The following CHRM5 variants were observed in gnomAD, a reference collection of about 807,000 sequenced individuals.
The protein encoded by CHRM5 is muscarinic acetylcholine receptor M5.
In CHRM5, 18 loss-of-function variants were observed where a neutral mutation model predicts 39.0. That is an observed-to-expected ratio of 0.46 (90% CI 0.32 to 0.68). CHRM5 has a LOEUF of 0.68. Among genes scored for constraint, CHRM5 ranks in the 30% least tolerant of loss-of-function variants. The probability of loss-of-function intolerance (pLI) is 0.04; values close to 1 mark genes in which losing one functional copy is unlikely to be tolerated. For synonymous variants in CHRM5, 241 were observed against 246.3 expected (o/e 0.98, Z 0.20); for missense variants, 515 against 651.1 (o/e 0.79, Z 2.28).
At chr15:34,001,227 G>A (rs1897126696) in intron 1 of CHRM5, among the ~76,000 whole-genome samples, 1 of 151,896 alleles carries the variant, frequency 6.6e-6, no homozygotes, top group South Asian at 2.1e-4. Context: ...TCACTATGTT[G>A]GCCAGGATGG....
intron 1 of CHRM5, among the ~76,000 whole-genome samples, chr15:33,987,557 T>A (rs1214381248): frequency 6.6e-6 from 1 of 152,126 alleles, no homozygotes; most frequent in African/African-American, 2.4e-5. Context: ...ATCCCCTTCT[T>A]CTCAGGCCAG....
At chr15:34,009,866 G>A (rs1315707170) in intron 1 of CHRM5, among the ~76,000 whole-genome samples, 2 of 152,126 alleles carry the variant, frequency 1.3e-5, no homozygotes, top group African/African-American at 4.8e-5. Flanking sequence ...GCATGAACCT[G>A]TAGTCCTAGC....
At chr15:34,008,483 CTT>C (rs200355232) in intron 1 of CHRM5, among the ~76,000 whole-genome samples, 43 of 119,222 alleles carry the variant, frequency 3.6e-4, no homozygotes, top group African/African-American at 1.4e-3. Context: ...GATGAAAAAC[CTT>C]TTTTTTTTTT....
chr15:34,010,885 A>G (rs889268301), intron 1 of CHRM5, among the ~76,000 whole-genome samples: 1 of 152,340 alleles, frequency 6.6e-6, no homozygotes, highest in East Asian at 1.9e-4. Context: ...AAACCTATTA[A>G]GGTCATTTTT....
chr15:34,008,261 A>G (rs1897452232), intron 1 of CHRM5, among the ~76,000 whole-genome samples: 1 of 151,886 alleles, frequency 6.6e-6, no homozygotes, highest in South Asian at 2.1e-4. Context: ...TCTCCACGAA[A>G]AAGATAAAAA....
intron 2 of CHRM5, among the ~76,000 whole-genome samples, chr15:34,051,878 A>C (rs886339487): frequency 1.3e-5 from 2 of 151,422 alleles, no homozygotes; most frequent in African/African-American, 2.4e-5. Context: ...GAAAAAAAAA[A>C]CCCAGGACCA....
intron 2 of CHRM5, among the ~76,000 whole-genome samples, chr15:34,060,530 C>T (rs184824936): frequency 1.0e-3 from 153 of 152,292 alleles, no homozygotes; most frequent in African/African-American, 3.5e-3. Context: ...ATAGGCAGAG[C>T]AGAAATACCC....
chr15:33,987,045 T>G (rs1896506937), intron 1 of CHRM5, among the ~76,000 whole-genome samples: 1 of 152,218 alleles, frequency 6.6e-6, no homozygotes, highest in Admixed American at 6.5e-5. Flanking sequence ...AAAAGCAGTA[T>G]GTTGACATCC....
chr15:33,995,169 C>CA (rs1328135809), intron 1 of CHRM5, among the ~76,000 whole-genome samples: 2 of 152,224 alleles, frequency 1.3e-5, no homozygotes, highest in South Asian at 2.1e-4. Context: ...GAGGCTGGGG[C>CA]AGGAGGATTG....
At position 34,041,112 on chromosome 15, in the gene CHRM5, A is replaced by G. The variant is rs188200763; in HGVS notation, c.-407-5428A>G. Among the ~76,000 whole-genome samples the G allele has an allele frequency of 1.4e-4, 22 of 152,196 alleles. No individual in the cohort carries two copies. The East Asian group carries it at 2.3e-3, about 16-fold the overall frequency. Reference sequence around the variant, plus strand: ...GTTGGCAAATTTAGGGCTGGGTAACATTTTGTGGCGGTAGCTTATCCTGTG... The same window carrying G: ...GTTGGCAAATTTAGGGCTGGGTAACGTTTTGTGGCGGTAGCTTATCCTGTG... On this transcript the variant is annotated intron_variant, in intron 1 of 2. Transcript: ENST00000383263.
intron 2 of CHRM5, among the ~76,000 whole-genome samples, chr15:34,048,496 A>T (rs1322320533): frequency 6.9e-6 from 1 of 145,888 alleles, no homozygotes; most frequent in Non-Finnish European, 1.5e-5. Flanking sequence ...CAGGACCTCC[A>T]TGTGGGGGTT....
intron 1 of CHRM5, among the ~76,000 whole-genome samples, chr15:34,045,737 A>C (rs938757633): frequency 4.6e-4 from 3 of 6,550 alleles, no homozygotes; most frequent in African/African-American, 4.9e-4. Flanking sequence ...CGAAGGCCTA[A>C]CCTCACTTAG....
intron 1 of CHRM5, among the ~76,000 whole-genome samples, chr15:34,012,504 T>C (rs1262638148): frequency 6.6e-6 from 1 of 152,228 alleles, no homozygotes; most frequent in Non-Finnish European, 1.5e-5. Context: ...CATCTGCCTC[T>C]CTGTTCCATT....
chr15:34,047,234 T>C (rs903455402), intron 2 of CHRM5, among the ~76,000 whole-genome samples: 5 of 152,012 alleles, frequency 3.3e-5, no homozygotes, highest in Admixed American at 6.6e-5. Context: ...CCCGCCACCA[T>C]GCCCTGCTAA....
chr15:34,032,596 G>A (rs191525816), intron 1 of CHRM5, among the ~76,000 whole-genome samples: 1 of 152,292 alleles, frequency 6.6e-6, no homozygotes, highest in African/African-American at 2.4e-5. Context: ...GATCTTAGCT[G>A]TCCTCAAAAC....
intron 2 of CHRM5, among the ~76,000 whole-genome samples, chr15:34,059,961 C>T (rs544638059): frequency 9.9e-4 from 150 of 152,020 alleles, no homozygotes; most frequent in African/African-American, 3.5e-3. Context: ...AATAAACATT[C>T]AAATATTTAA....
chr15:33,980,936 A>T (rs1015294581), intron 1 of CHRM5, among the ~76,000 whole-genome samples: 3 of 152,210 alleles, frequency 2.0e-5, no homozygotes, highest in Admixed American at 6.5e-5. Context: ...ATCAGAACTT[A>T]AAAAAGATTA....
intron 1 of CHRM5, among the ~76,000 whole-genome samples, chr15:33,994,204 C>CGTGG (rs1896844820): frequency 6.6e-6 from 1 of 152,162 alleles, no homozygotes; most frequent in Non-Finnish European, 1.5e-5. Flanking sequence ...AGTGCCTGAG[C>CGTGG]GCCACCTCCT....
chr15:34,046,261 T>C (rs1899676070), intron 1 of CHRM5, among the ~76,000 whole-genome samples: 1 of 151,872 alleles, frequency 6.6e-6, no homozygotes, highest in Non-Finnish European at 1.5e-5. Context: ...GGAACCTACC[T>C]TATGTTCCAA....
Sources: allele counts gnomAD v4.1 joint callset (sites outside exome capture counted in the v4.1 genomes callset), GRCh38; gene constraint gnomAD v4.1.1; transcripts MANE v1.5; gene names NCBI Gene and HGNC (gene_info 2026-07-23, HGNC 2026-07-21).